Variants in CDH8 observed in about 807,000 individuals in gnomAD.
CDH8 encodes the protein cadherin 8, also known as cadherin-8.
In CDH8, 17 loss-of-function variants were observed where a neutral mutation model predicts 68.1. The observed-to-expected ratio is 0.25, with a 90% CI of 0.17 to 0.37. CDH8 has a LOEUF of 0.37. Among genes scored for constraint, CDH8 ranks in the 10% least tolerant of loss-of-function variants. The probability of loss-of-function intolerance (pLI) is 1.00; values close to 1 mark genes in which losing one functional copy is unlikely to be tolerated. For synonymous variants in CDH8, 372 were observed against 365.1 expected, an observed-to-expected ratio of 1.02 and a Z score of -0.21; for missense variants, 763 against 999.3, an observed-to-expected ratio of 0.76 and a Z score of 3.19.
chr16:61,804,337 A>T (rs2142997806), intron 7 of CDH8, among the ~76,000 whole-genome samples: 1 of 152,248 alleles, frequency 6.6e-6, no homozygotes, highest in African/African-American at 2.4e-5. Flanking sequence ...AGGGAAATTT[A>T]TAGCACTAAA....
At chr16:61,909,838 T>G (rs566492477) in intron 2 of CDH8, among the ~76,000 whole-genome samples, 1 of 152,094 alleles carries the variant, frequency 6.6e-6, no homozygotes, top group African/African-American at 2.4e-5. Flanking sequence ...ACTCAGCTAA[T>G]AGAAGTGCAA....
intron 8 of CDH8, among the ~76,000 whole-genome samples, chr16:61,731,794 G>A (rs1014054469): frequency 1.3e-5 from 2 of 151,718 alleles, no homozygotes; most frequent in African/African-American, 4.8e-5. Flanking sequence ...ATATGTGAGA[G>A]TGACCATATG....
intron 10 of CDH8, among the ~76,000 whole-genome samples, chr16:61,656,048 A>G (rs1428184501): frequency 6.6e-6 from 1 of 151,906 alleles, no homozygotes; most frequent in Admixed American, 6.6e-5. Context: ...AATTTTTTGT[A>G]TTTTTAGTAG....
intron 10 of CDH8, among the ~76,000 whole-genome samples, chr16:61,659,302 G>C (rs1258377565): frequency 6.6e-6 from 1 of 152,120 alleles, no homozygotes; most frequent in Non-Finnish European, 1.5e-5. Context: ...GTAAGACTCT[G>C]GTGCATGAAC....
chr16:61,724,198 G>C (rs1450637307), intron 9 of CDH8, among the ~76,000 whole-genome samples: 1 of 150,644 alleles, frequency 6.6e-6, no homozygotes, highest in African/African-American at 2.4e-5. Flanking sequence ...TCATGAGAAG[G>C]TGGAAAGAGC....
chr16:61,874,296 A>G (rs1963421954), intron 3 of CDH8, among the ~76,000 whole-genome samples: 2 of 152,112 alleles, frequency 1.3e-5, no homozygotes, highest in East Asian at 3.9e-4. Context: ...GGTTAGGTAT[A>G]TTAAATGCAT....
At chr16:61,999,556 G>T (rs993214996) in intron 2 of CDH8, among the ~76,000 whole-genome samples, 5 of 152,102 alleles carry the variant, frequency 3.3e-5, no homozygotes, top group Non-Finnish European at 5.9e-5. Flanking sequence ...CTCTTGCAGT[G>T]TATCAGTTTC....
intron 3 of CDH8, among the ~76,000 whole-genome samples, chr16:61,860,058 G>A (rs1335625584): frequency 6.6e-6 from 1 of 152,092 alleles, no homozygotes; most frequent in Non-Finnish European, 1.5e-5. Context: ...GGCCAGGGTG[G>A]TCTCTATCTC....
chr16:61,796,805 C>T (rs995263472), intron 7 of CDH8, among the ~76,000 whole-genome samples: 1 of 152,050 alleles, frequency 6.6e-6, no homozygotes, highest in Non-Finnish European at 1.5e-5. Flanking sequence ...ATTTAATACA[C>T]AGCACACTAA....
At chr16:61,668,913 A>T (rs1281009530) in intron 10 of CDH8, among the ~76,000 whole-genome samples, 1 of 152,058 alleles carries the variant, frequency 6.6e-6, no homozygotes, top group Non-Finnish European at 1.5e-5. Flanking sequence ...CATTTGATAT[A>T]AAGAGTAGTT....
At chr16:61,843,989 C>T (rs551050467) in intron 4 of CDH8, among the ~76,000 whole-genome samples, 1 of 151,880 alleles carries the variant, frequency 6.6e-6, no homozygotes, top group Non-Finnish European at 1.5e-5. Context: ...ATGTTTATTG[C>T]GGCACTATTC....
Position 61,652,670 on chromosome 16 carries a change from G to A in CDH8, c.*938C>T. 1.7e-6 allele frequency: 2 copies of A among 1,163,454 alleles called. No homozygotes were observed. Among genetic ancestry groups the A allele is most frequent in the East Asian group, 3.1e-5 (1 of 31,752 alleles). 72.1% of individuals were successfully genotyped at this position (1,163,454 alleles called of 1,614,324 possible). Reference sequence around the variant, plus strand: ...TAAAACAATCTAAAGGATTATTAATGGATATAATTTAGTTTTTTCCCATAT... The same window carrying A: ...TAAAACAATCTAAAGGATTATTAATAGATATAATTTAGTTTTTTCCCATAT... On this transcript the variant is annotated 3_prime_UTR_variant, in exon 12 of 12. Transcript: ENST00000577390.
At chr16:62,002,280 CTACTT>C (rs1246568049) in intron 2 of CDH8, among the ~76,000 whole-genome samples, 24 of 152,230 alleles carry the variant, frequency 1.6e-4, no homozygotes, top group African/African-American at 4.8e-4. Context: ...CATAATGTGA[CTACTT>C]TACCCGAGAA....
At chr16:61,960,176 T>C (rs111553531) in intron 2 of CDH8, among the ~76,000 whole-genome samples, 1 of 135,174 alleles carries the variant, frequency 7.4e-6, no homozygotes, top group African/African-American at 3.0e-5. Flanking sequence ...CACATACATA[T>C]ATACATATGT....
chr16:61,947,805 A>G (rs1964823635), intron 2 of CDH8, among the ~76,000 whole-genome samples: 1 of 152,182 alleles, frequency 6.6e-6, no homozygotes, highest in Non-Finnish European at 1.5e-5. Context: ...CTGAATTGTT[A>G]TTGGTCAACT....
chr16:61,772,664 T>G lies in CDH8; in HGVS notation c.1414+16682A>C, dbSNP rs575566559. On this transcript the variant is annotated intron_variant, in intron 8 of 11. Transcript: ENST00000577390. The stretch of plus-strand genomic sequence containing the variant: ...GTTTTAACCAGATGCCAATTTCTGT[T>G]TATTCAAACTCCATCTCTAATACAG... Among the ~76,000 whole-genome samples, 5 of 152,212 alleles carry G rather than the reference T, an allele frequency of 3.3e-5. No individual in the cohort carries two copies. In the South Asian group the frequency reaches 1.0e-3, roughly 32 times the overall value.
chr16:61,655,819 G>C, intron 10 of CDH8, 98 bp from the exon 11 acceptor site: 1 of 1,012,482 alleles, frequency 9.9e-7, no homozygotes, highest in South Asian at 1.5e-5. Flanking sequence ...CAAACCTCAA[G>C]ACAATCCCGA....
chr16:61,777,588 T>C (rs1488471097), intron 8 of CDH8, among the ~76,000 whole-genome samples: 2 of 152,110 alleles, frequency 1.3e-5, no homozygotes, highest in Non-Finnish European at 2.9e-5. Flanking sequence ...ACGTGTTCTT[T>C]CTTAGACTGG....
At chr16:61,668,896 A>G (rs888540699) in intron 10 of CDH8, among the ~76,000 whole-genome samples, 1 of 152,094 alleles carries the variant, frequency 6.6e-6, no homozygotes, top group African/African-American at 2.4e-5. Flanking sequence ...ATGTGTGCTC[A>G]TTAACACATT....
Sources: gnomAD v4.1 joint callset for allele counts (sites outside exome capture counted in the v4.1 genomes callset) on GRCh38, gnomAD v4.1.1 for gene constraint, MANE v1.5 for transcripts, NCBI Gene and HGNC (gene_info 2026-07-23, HGNC 2026-07-21) for gene names.